The following NFIB variants were observed in gnomAD, a reference collection of about 807,000 sequenced individuals.
NFIB encodes nuclear factor 1 B-type.
A neutral mutation model predicts 61.5 loss-of-function variants in NFIB; 11 were observed. That is an observed-to-expected ratio of 0.18 (90% CI 0.11 to 0.30). The LOEUF (loss-of-function observed/expected upper bound fraction) is 0.30. Among genes scored for constraint, NFIB ranks in the 10% least tolerant of loss-of-function variants. NFIB has a pLI of 1.00. For synonymous variants in NFIB, 260 were observed against 216.5 expected (o/e 1.20, Z -1.76); for missense variants, 471 against 608.9 (o/e 0.77, Z 2.38).
In NFIB at chr9:14,150,101, A is replaced by G. The variant is rs186948227; in HGVS notation, c.806+44T>C. ...CTGCCTATCATCCACCTACGAACCTATGTGTGTATCACTTGAGAATATGAG... is the reference window on the plus strand; with the variant it reads ...CTGCCTATCATCCACCTACGAACCTGTGTGTGTATCACTTGAGAATATGAG... On this transcript the variant is annotated intron_variant, in intron 5 of 10. Coordinates refer to ENST00000380953, the MANE Select transcript of NFIB (RefSeq NM_001190737.2). 13 of 1,611,784 alleles carry G rather than the reference A, an allele frequency of 8.1e-6. No homozygotes were observed. In the Admixed American group the frequency reaches 1.2e-4, roughly 14 times the overall value.
the NFIB span, among the ~76,000 whole-genome samples, chr9:14,415,673 T>C: frequency 1.3e-5 from 2 of 152,234 alleles, no homozygotes; most frequent in South Asian, 2.1e-4. Context: ...TGAAGGGAAG[T>C]AGAAAGAACT....
chr9:14,240,925 A>G (rs572960972), intron 2 of NFIB, among the ~76,000 whole-genome samples: 3 of 152,322 alleles, frequency 2.0e-5, no homozygotes, highest in Middle Eastern at 3.4e-3. Flanking sequence ...TGAGGTTAGA[A>G]AGCCAGGACC....
intron 2 of NFIB, among the ~76,000 whole-genome samples, chr9:14,211,324 A>G (rs545206851): frequency 3.4e-4 from 52 of 152,346 alleles, no homozygotes; most frequent in African/African-American, 1.3e-3. Flanking sequence ...GGACCTGGGA[A>G]GTTTCTTAAA....
At chr9:14,228,733 G>C (rs2052754017) in intron 2 of NFIB, among the ~76,000 whole-genome samples, 1 of 152,136 alleles carries the variant, frequency 6.6e-6, no homozygotes, top group Non-Finnish European at 1.5e-5. Flanking sequence ...GGATCTGACT[G>C]TTTGGCTTTT....
the NFIB span, among the ~76,000 whole-genome samples, chr9:14,407,147 A>C: frequency 6.6e-6 from 1 of 152,188 alleles, no homozygotes; most frequent in Non-Finnish European, 1.5e-5. Context: ...CTTGCTCGCA[A>C]CTAAAAAACC....
chr9:14,158,077 T>C (rs189439408), intron 3 of NFIB, among the ~76,000 whole-genome samples: 2 of 149,766 alleles, frequency 1.3e-5, no homozygotes, highest in Admixed American at 1.3e-4. Flanking sequence ...AGCCATTGCA[T>C]TCCAGTCTGG....
intron 2 of NFIB, among the ~76,000 whole-genome samples, chr9:14,294,916 C>T (rs985291105): frequency 5.3e-5 from 8 of 152,128 alleles, no homozygotes; most frequent in Admixed American, 2.0e-4. Context: ...AGTTCAGTGG[C>T]CGTAGGGAAA....
the NFIB span, among the ~76,000 whole-genome samples, chr9:14,460,445 C>T: frequency 2.6e-4 from 39 of 151,922 alleles, no homozygotes; most frequent in East Asian, 7.0e-3. Flanking sequence ...TGCAGCACAC[C>T]AACATGGCAC....
At chr9:14,496,687 T>C in the NFIB span, among the ~76,000 whole-genome samples, 1 of 152,170 alleles carries the variant, frequency 6.6e-6, no homozygotes, top group Non-Finnish European at 1.5e-5. Flanking sequence ...ACAGTTCCTA[T>C]GGCATTTGCT....
chr9:14,306,081 C>T, intron 2 of NFIB: 1 of 607,744 alleles, frequency 1.6e-6, no homozygotes. Flanking sequence ...CTCAAATATT[C>T]AGTAATAACA....
intron 2 of NFIB, among the ~76,000 whole-genome samples, chr9:14,288,239 C>A (rs542211440): frequency 1.3e-5 from 2 of 151,850 alleles, no homozygotes; most frequent in African/African-American, 2.4e-5. Context: ...AGATACTTTA[C>A]GAAACATTTT....
intron 1 of NFIB, among the ~76,000 whole-genome samples, chr9:14,335,224 T>C (rs1486613502): frequency 2.0e-5 from 3 of 152,236 alleles, no homozygotes. Context: ...ATATGGCAGA[T>C]ATGGCAGGTG....
chr9:14,270,685 A>G (rs1206758517), intron 2 of NFIB, among the ~76,000 whole-genome samples: 1 of 151,570 alleles, frequency 6.6e-6, no homozygotes, highest in Admixed American at 6.6e-5. Flanking sequence ...ATGTTCCAAG[A>G]CTGATTTTAA....
chr9:14,322,084 A>T lies in NFIB; in HGVS notation c.109-14564T>A, dbSNP rs1415658587. The stretch of plus-strand genomic sequence containing the variant: ...CGCTTTTTGTGTTTAGTTAAAAAAA[A>T]AAAAAAAAAAAAAAAAAAGCAATCC... On this transcript the variant is annotated intron_variant, in intron 1 of 8. Transcript: ENST00000380934. 1.2e-3 allele frequency: 97 copies of T among 78,136 alleles called. No individual in the cohort carries two copies. In the South Asian group the frequency reaches 0.056, roughly 45 times the overall value. 4.8% of individuals were successfully genotyped at this position (78,136 alleles called of 1,614,324 possible).
chr9:14,222,227 T>G (rs950001534), intron 2 of NFIB, among the ~76,000 whole-genome samples: 1 of 152,176 alleles, frequency 6.6e-6, no homozygotes, highest in African/African-American at 2.4e-5. Flanking sequence ...TAACTTCCTT[T>G]TTCAAACACT....
the NFIB span, among the ~76,000 whole-genome samples, chr9:14,426,318 G>C: frequency 5.3e-5 from 8 of 152,122 alleles, no homozygotes; most frequent in African/African-American, 1.4e-4. Flanking sequence ...AGGTGGCATG[G>C]CTTTGTAGTT....
chr9:14,261,301 A>G (rs990877644), intron 2 of NFIB, among the ~76,000 whole-genome samples: 3 of 152,154 alleles, frequency 2.0e-5, no homozygotes, highest in African/African-American at 7.2e-5. Context: ...TGGGCAATAG[A>G]GCAGGACTCC....
intron 1 of NFIB, among the ~76,000 whole-genome samples, chr9:14,381,350 C>A (rs776273889): frequency 4.0e-5 from 6 of 151,898 alleles, no homozygotes; most frequent in Non-Finnish European, 8.8e-5. Flanking sequence ...TGCCACCATG[C>A]CCAGCTAATT....
rs2060917728 is a variant in NFIB at position 14,338,969 on chromosome 9, GCAGGTTGGGGA to G, written c.109-31460_109-31450del. 5.3e-5 allele frequency among the ~76,000 whole-genome samples: 8 copies of G among 152,130 alleles called. No homozygotes were observed. The South Asian group carries it at 1.7e-3, about 32-fold the overall frequency. On this transcript the variant is annotated intron_variant, in intron 1 of 8. Transcript: ENST00000380934. Reference sequence around the variant, plus strand: ...TGCCTAAATAGAGAAAAGATGGTAGGCAGGTTGGGGACAGGAAAAATCAAAGATGGAAACAT... The same window carrying G: ...TGCCTAAATAGAGAAAAGATGGTAGGCAGGAAAAATCAAAGATGGAAACAT...
Sources: gnomAD v4.1 joint callset for allele counts (sites outside exome capture counted in the v4.1 genomes callset) on GRCh38, gnomAD v4.1.1 for gene constraint, MANE v1.5 for transcripts, NCBI Gene and HGNC (gene_info 2026-07-23, HGNC 2026-07-21) for gene names.